The following EYA2 variants were observed in gnomAD, a reference collection of about 807,000 sequenced individuals.
EYA2 encodes the protein protein phosphatase EYA2.
EYA2 carries 31 observed loss-of-function variants against 69.2 expected under a neutral mutation model. The observed-to-expected ratio is 0.45, with a 90% CI of 0.34 to 0.60. EYA2 has a LOEUF of 0.60. Among genes scored for constraint, EYA2 ranks in the 20% least tolerant of loss-of-function variants. The pLI, the probability that EYA2 is intolerant of heterozygous loss-of-function variation, is 0.02. For synonymous variants in EYA2, 257 were observed against 279.4 expected (o/e 0.92, Z 0.80); for missense variants, 622 against 701.2 (o/e 0.89, Z 1.28).
At chr20:47,092,239 G>C (rs2032107432) in intron 8 of EYA2, among the ~76,000 whole-genome samples, 1 of 152,114 alleles carries the variant, frequency 6.6e-6, no homozygotes, top group Admixed American at 6.5e-5. Context: ...AGCCTCCCGA[G>C]ATCTACCAGT....
intron 1 of EYA2, among the ~76,000 whole-genome samples, chr20:46,960,793 T>C (rs1979428575): frequency 6.6e-6 from 1 of 152,170 alleles, no homozygotes; most frequent in South Asian, 2.1e-4. Context: ...CCGTTTACAG[T>C]AAATCTTTTC....
chr20:46,900,099 TTGAG>T (rs1984020049), intron 1 of EYA2, among the ~76,000 whole-genome samples: 1 of 152,204 alleles, frequency 6.6e-6, no homozygotes, highest in African/African-American at 2.4e-5. Context: ...TTTTTTCCTT[TTGAG>T]TATCTAGTAA....
intron 10 of EYA2, among the ~76,000 whole-genome samples, chr20:47,147,268 C>T (rs180687608): frequency 9.9e-5 from 15 of 152,040 alleles, no homozygotes; most frequent in Admixed American, 5.9e-4. Context: ...ACGGTGGTCT[C>T]GAACTCCTGA....
chr20:46,984,586 A>G lies in EYA2; in HGVS notation c.-10-5415A>G, dbSNP rs544474485. ...AAAAGTAGAAAGTGGGGCCGTGCCA[A>G]GTGTTAGCAGGAAATTGTGAAACTG... On this transcript the variant is annotated intron_variant, in intron 1 of 15. Coordinates refer to ENST00000327619, the MANE Select transcript of EYA2 (RefSeq NM_005244.5). 4.6e-5 allele frequency among the ~76,000 whole-genome samples: 7 copies of G among 152,332 alleles called. No individual in the cohort carries two copies. The East Asian group carries it at 1.3e-3, about 29-fold the overall frequency.
intron 10 of EYA2, among the ~76,000 whole-genome samples, chr20:47,159,722 G>T (rs559020800): frequency 6.6e-6 from 1 of 152,178 alleles, no homozygotes; most frequent in East Asian, 2.0e-4. Flanking sequence ...AGCCACGGTG[G>T]CTCATGCCTG....
At chr20:46,936,975 G>T (rs897110043) in intron 1 of EYA2, among the ~76,000 whole-genome samples, 1 of 152,200 alleles carries the variant, frequency 6.6e-6, no homozygotes, top group African/African-American at 2.4e-5. Context: ...AGCTCGGGGC[G>T]CAGTCCAAAG....
chr20:46,971,451 T>C (rs1980141438), intron 1 of EYA2, among the ~76,000 whole-genome samples: 1 of 152,236 alleles, frequency 6.6e-6, no homozygotes, highest in African/African-American at 2.4e-5. Flanking sequence ...GGACCTAACC[T>C]ACATGTTACT....
rs373101165 is a variant in EYA2 at position 47,172,702 on chromosome 20, C to T, written c.1038-5C>T. 15 of 1,607,446 alleles carry T rather than the reference C, an allele frequency of 9.3e-6. No individual in the cohort carries two copies. The highest frequency in any genetic ancestry group is 2.7e-5 in the African/African-American group (2 of 74,822). On this transcript the variant is annotated splice_polypyrimidine_tract_variant and splice_region_variant and intron_variant, in intron 11 of 15. Transcript: ENST00000327619. ...AACACTGTCCCTCCCCTCCTCTCTCCGCAGCACATACAACTTCTCCGCTGA... is the reference window on the plus strand; with the variant it reads ...AACACTGTCCCTCCCCTCCTCTCTCTGCAGCACATACAACTTCTCCGCTGA...
At chr20:47,020,374 T>A (rs1983679053) in intron 5 of EYA2, among the ~76,000 whole-genome samples, 1 of 152,152 alleles carries the variant, frequency 6.6e-6, no homozygotes, top group Admixed American at 6.5e-5. Context: ...CTGTATCTGT[T>A]TGGATAACAC....
chr20:47,156,089 TAC>T (rs748282079), intron 10 of EYA2, among the ~76,000 whole-genome samples: 1,051 of 30,794 alleles, frequency 0.034, 29 homozygotes, highest in African/African-American at 0.046. Context: ...TATATATACA[TAC>T]ACACACACAC....
chr20:47,065,898 G>C (rs1213894684), intron 5 of EYA2, among the ~76,000 whole-genome samples: 1 of 152,148 alleles, frequency 6.6e-6, no homozygotes, highest in African/African-American at 2.4e-5. Flanking sequence ...ATTGTTGTCT[G>C]TCTCTCTTAC....
chr20:47,008,743 C>A (rs1568721039), intron 4 of EYA2, among the ~76,000 whole-genome samples: 1 of 152,162 alleles, frequency 6.6e-6, no homozygotes, highest in Non-Finnish European at 1.5e-5. Flanking sequence ...CACATCCCAC[C>A]CTTGCCTGTT....
intron 1 of EYA2, among the ~76,000 whole-genome samples, chr20:46,913,583 C>A (rs6122534): frequency 0.12 from 13,732 of 117,832 alleles, 1,005 homozygotes; most frequent in East Asian, 0.47. Flanking sequence ...AGAGACTGTT[C>A]AGACAGGGAG....
chr20:47,034,248 T>C (rs867636141), intron 5 of EYA2, among the ~76,000 whole-genome samples: 4 of 152,366 alleles, frequency 2.6e-5, no homozygotes, highest in African/African-American at 9.6e-5. Context: ...CTATTTACAG[T>C]AATAATATAA....
chr20:46,944,243 G>A (rs1978333014), intron 1 of EYA2, among the ~76,000 whole-genome samples: 2 of 151,864 alleles, frequency 1.3e-5, no homozygotes, highest in Non-Finnish European at 1.5e-5. Flanking sequence ...GTGCTCCCGT[G>A]CGCAGATCCC....
intron 1 of EYA2, among the ~76,000 whole-genome samples, chr20:46,941,555 T>C (rs547339148): frequency 3.0e-4 from 45 of 152,180 alleles, no homozygotes; most frequent in Non-Finnish European, 5.6e-4. Context: ...AAAGAAGCAG[T>C]AACAGAGTGG....
chr20:47,028,839 T>G (rs1251712088), intron 5 of EYA2, among the ~76,000 whole-genome samples: 2 of 152,136 alleles, frequency 1.3e-5, no homozygotes, highest in African/African-American at 4.8e-5. Context: ...TGGGTGGCCC[T>G]GTGGCAAACT....
chr20:47,123,754 G>A (rs562007403), intron 9 of EYA2, among the ~76,000 whole-genome samples: 20 of 152,268 alleles, frequency 1.3e-4, no homozygotes, highest in Middle Eastern at 3.4e-3. Context: ...ACTTTGGGAG[G>A]CCGAGGCAGG....
intron 7 of EYA2, among the ~76,000 whole-genome samples, chr20:47,084,593 T>C (rs1293045535): frequency 1.3e-5 from 2 of 152,280 alleles, no homozygotes; most frequent in East Asian, 1.9e-4. Context: ...AGATGATAGA[T>C]GCCTCACCAA....
Sources: gnomAD v4.1 joint callset for allele counts (sites outside exome capture counted in the v4.1 genomes callset) on GRCh38, gnomAD v4.1.1 for gene constraint, MANE v1.5 for transcripts, NCBI Gene and HGNC (gene_info 2026-07-23, HGNC 2026-07-21) for gene names.